VIT: variants seen among roughly 807,000 people sequenced by gnomAD.
VIT encodes the protein vitrin.
Under a neutral mutation model 78.0 loss-of-function variants are expected in VIT, and 99 were observed. That is an observed-to-expected ratio of 1.27 (90% CI 1.08 to 1.50). VIT has a LOEUF of 1.50. VIT is among the 40% of genes most tolerant of loss of function. The pLI is 0.00. For synonymous variants in VIT, 374 were observed against 334.3 expected, an observed-to-expected ratio of 1.12 and a Z score of -1.29; for missense variants, 1,126 against 875.3, an observed-to-expected ratio of 1.29 and a Z score of -3.61.
intron 3 of VIT, among the ~76,000 whole-genome samples, chr2:36,734,725 C>T (rs1667405747): frequency 6.6e-6 from 1 of 152,218 alleles, no homozygotes; most frequent in South Asian, 2.1e-4. Context: ...CTCTACTTTC[C>T]CTTCTTTTTC....
At chr2:36,771,095 T>G (rs752702569) in intron 7 of VIT, among the ~76,000 whole-genome samples, 1 of 152,216 alleles carries the variant, frequency 6.6e-6, no homozygotes, top group Non-Finnish European at 1.5e-5. Context: ...CTTAAGGTAT[T>G]TGGAGAAGGC....
At chr2:36,743,017 T>A (rs1667925364) in intron 3 of VIT, 83 bp from the exon 4 acceptor site, 2 of 1,552,560 alleles carry the variant, frequency 1.3e-6, no homozygotes, top group Non-Finnish European at 1.8e-6. Flanking sequence ...AGAGATTAAG[T>A]CAATAGTTGA....
intron 2 of VIT, among the ~76,000 whole-genome samples, chr2:36,727,136 C>A (rs990889990): frequency 4.6e-5 from 7 of 152,050 alleles, no homozygotes; most frequent in African/African-American, 1.7e-4. Context: ...GCCAGGGAAC[C>A]CGGAGGGAAT....
At chr2:36,753,329 A>G (rs1344661061) in intron 4 of VIT, among the ~76,000 whole-genome samples, 1 of 152,080 alleles carries the variant, frequency 6.6e-6, no homozygotes, top group Admixed American at 6.6e-5. Flanking sequence ...CTTATGTAAC[A>G]AACCTGCACA....
intron 2 of VIT, among the ~76,000 whole-genome samples, chr2:36,719,981 A>G (rs759969743): frequency 6.6e-6 from 1 of 152,156 alleles, no homozygotes; most frequent in African/African-American, 2.4e-5. Context: ...TAAAGAAGAC[A>G]TACATAAATG....
intron 2 of VIT, among the ~76,000 whole-genome samples, chr2:36,724,500 G>T (rs866923805): frequency 4.0e-4 from 61 of 152,244 alleles, no homozygotes; most frequent in African/African-American, 1.3e-3. Flanking sequence ...ACTTCAACAT[G>T]CAATTTACCA....
At chr2:36,705,655 C>G (rs1665370583) in intron 1 of VIT, among the ~76,000 whole-genome samples, 1 of 152,166 alleles carries the variant, frequency 6.6e-6, no homozygotes, top group Admixed American at 6.5e-5. Context: ...GCAGGATTTT[C>G]TCTAACTATT....
intron 1 of VIT, among the ~76,000 whole-genome samples, chr2:36,702,732 G>C (rs551526572): frequency 6.6e-6 from 1 of 152,164 alleles, no homozygotes; most frequent in African/African-American, 2.4e-5. Context: ...CAGCATCCAG[G>C]TTCCCTGAGC....
intron 3 of VIT, among the ~76,000 whole-genome samples, chr2:36,735,861 C>T (rs777363045): frequency 1.8e-4 from 28 of 152,074 alleles, no homozygotes; most frequent in Non-Finnish European, 3.8e-4. Context: ...GTTGTCTTTG[C>T]GACACACTGC....
Position 36,754,999 on chromosome 2 carries a change from C to T in VIT, c.354C>T (p.Ser118=). Residue 118 remains serine (S), a synonymous_variant, in exon 5 of 16, where the codon TCC becomes TCT. Coordinates refer to ENST00000379242, the MANE Select transcript of VIT (RefSeq NM_053276.4). ...AGTCTGGTTACAAAGGGAGTTATTCCAACGGTGTCCAATCGTTATCCCTAC... is the reference window on the plus strand; with the variant it reads ...AGTCTGGTTACAAAGGGAGTTATTCTAACGGTGTCCAATCGTTATCCCTAC... ...AGQSGYKGSY[S]NGVQSLSLPR... 2 of 1,614,058 alleles carry T rather than the reference C, an allele frequency of 1.2e-6. No individual in the cohort carries two copies. Among genetic ancestry groups the T allele is most frequent in the Non-Finnish European group, 1.7e-6 (2 of 1,179,984 alleles).
chr2:36,746,291 G>C (rs1229727163), intron 4 of VIT, among the ~76,000 whole-genome samples: 1 of 151,992 alleles, frequency 6.6e-6, no homozygotes, highest in Non-Finnish European at 1.5e-5. Flanking sequence ...TCTCAACTAG[G>C]TTTTGGTATC....
chr2:36,792,607 G>C (rs557248318), intron 12 of VIT, among the ~76,000 whole-genome samples: 2 of 152,146 alleles, frequency 1.3e-5, no homozygotes, highest in Non-Finnish European at 2.9e-5. Flanking sequence ...CAGATGCCCA[G>C]ACCAAACTTC....
chr2:36,775,138 C>A, intron 9 of VIT, 71 bp downstream of exon 9: 1 of 1,556,464 alleles, frequency 6.4e-7, no homozygotes, highest in Non-Finnish European at 8.8e-7. Context: ...AACATGAGGA[C>A]CTCCCCACAC....
intron 3 of VIT, among the ~76,000 whole-genome samples, chr2:36,741,894 C>A (rs1245923122): frequency 6.6e-6 from 1 of 152,148 alleles, no homozygotes; most frequent in South Asian, 2.1e-4. Context: ...AAAGTCTGTT[C>A]TTTAAGTTCT....
At position 36,759,499 on chromosome 2, in the gene VIT, A is replaced by G. The variant is rs1032362957; in HGVS notation, c.487+453A>G. 5 of 1,148,906 alleles carry G rather than the reference A, an allele frequency of 4.4e-6. No homozygotes were observed. The Admixed American group carries it at 1.4e-4, about 31-fold the overall frequency. The allele number at this position is 1,148,906 out of a possible 1,614,324, so 71.2% of individuals were successfully genotyped here. A position where few individuals can be genotyped will look rare whatever the true frequency, so the allele number is the denominator to read the frequency against. ...AACCCAGGCCAAAAATACACTGTCT[A>G]CAAGGTTGTGCCAACTCAGCTTTCA... On this transcript the variant is annotated intron_variant, in intron 6 of 15. Coordinates refer to ENST00000379242, the MANE Select transcript of VIT (RefSeq NM_053276.4).
intron 1 of VIT, among the ~76,000 whole-genome samples, chr2:36,701,610 C>G (rs1665061927): frequency 1.3e-5 from 1 of 76,086 alleles, no homozygotes; most frequent in African/African-American, 3.6e-5. Flanking sequence ...TCTTTCTTCT[C>G]TTATTCAAAA....
intron 2 of VIT, among the ~76,000 whole-genome samples, chr2:36,722,294 C>G (rs138272287): frequency 6.6e-6 from 1 of 152,162 alleles, no homozygotes; most frequent in African/African-American, 2.4e-5. Context: ...CCAGCAAACT[C>G]GCATTCTGGT....
At chr2:36,756,225 T>TG (rs1352204066) in intron 5 of VIT, among the ~76,000 whole-genome samples, 2 of 152,096 alleles carry the variant, frequency 1.3e-5, no homozygotes, top group African/African-American at 4.8e-5. Context: ...CCCAAAGTGC[T>TG]GGGATTACAA....
chr2:36,776,604 G>A (rs1239390403), intron 9 of VIT, among the ~76,000 whole-genome samples: 1 of 151,494 alleles, frequency 6.6e-6, no homozygotes, highest in Non-Finnish European at 1.5e-5. Context: ...AGTTCGAGAC[G>A]AGTTTGGCCC....
Sources: gnomAD v4.1 joint callset for allele counts (sites outside exome capture counted in the v4.1 genomes callset) on GRCh38, gnomAD v4.1.1 for gene constraint, MANE v1.5 for transcripts, NCBI Gene and HGNC (gene_info 2026-07-23, HGNC 2026-07-21) for gene names.